Variants in PCDHGB4 observed in about 807,000 individuals in gnomAD.
PCDHGB4 encodes protocadherin gamma-B4.
PCDHGB4 carries 38 observed loss-of-function variants against 60.5 expected under a neutral mutation model. The ratio of observed to expected loss-of-function variants is 0.63; its 90% CI spans 0.48 to 0.82. The LOEUF is 0.82. PCDHGB4 is among the 40% of genes least tolerant of loss of function. PCDHGB4 has a pLI of 0.00. For missense variants in PCDHGB4, 1,109 were observed against 1,209.6 expected (o/e 0.92, Z 1.23); for synonymous variants, 456 against 509.7 (o/e 0.89, Z 1.42).
intron 1 of PCDHGB4, chr5:141,414,197 T>C: frequency 3.1e-6 from 5 of 1,611,210 alleles, no homozygotes; most frequent in Non-Finnish European, 4.2e-6. Flanking sequence ...TTGATTACAG[T>C]AGAAGATGTA....
At chr5:141,413,796 G>A in intron 1 of PCDHGB4, 2 of 1,613,190 alleles carry the variant, frequency 1.2e-6, no homozygotes, top group Non-Finnish European at 1.7e-6. Flanking sequence ...TAGATCGCGA[G>A]GAAGAGGCCA....
At position 141,431,276 on chromosome 5, in the gene PCDHGB4, A is replaced by T; in HGVS notation, c.2397+40995A>T. 6.2e-7 allele frequency: 1 copy of T among 1,614,176 alleles called. No individual in the cohort carries two copies. Among genetic ancestry groups the T allele is most frequent in the South Asian group, 1.1e-5 (1 of 91,084 alleles). ...GAACTCTCTGCAGAGCTACGAGCTC[A>T]GCCCGAACACTCACTTCTCCCTCAT... is the stretch of plus-strand genomic sequence containing the variant. On this transcript the variant is annotated intron_variant, in intron 1 of 3. Transcript: ENST00000519479. The surrounding 1 kb of genome is among the most constrained non-coding windows in gnomAD (Gnocchi z 4.8).
chr5:141,418,013 A>C (rs769578436), intron 1 of PCDHGB4: 2 of 1,613,906 alleles, frequency 1.2e-6, no homozygotes, highest in African/African-American at 2.7e-5. Flanking sequence ...GAACCTCGCT[A>C]AGGATCTAGG....
At chr5:141,415,122 C>G (rs552568826) in intron 1 of PCDHGB4, 1 of 1,613,668 alleles carries the variant, frequency 6.2e-7, no homozygotes, top group Non-Finnish European at 8.5e-7. Context: ...TCGTAGTGGC[C>G]GTCCAGGACC....
chr5:141,422,398 C>T lies in PCDHGB4; in HGVS notation c.2397+32117C>T, dbSNP rs2096646163. On this transcript the variant is annotated intron_variant, in intron 1 of 3. Transcript: ENST00000519479. Reference sequence around the variant, plus strand: ...AGTCTCCTGTTTTATTCCTAACCACCTGCCTTTTAAATTAGAAAAGACTTA... The same window carrying T: ...AGTCTCCTGTTTTATTCCTAACCACTTGCCTTTTAAATTAGAAAAGACTTA... The T allele has an allele frequency of 1.9e-6, 3 of 1,597,634 alleles. No individual in the cohort carries two copies. In the Admixed American group the frequency reaches 5.3e-5, roughly 28 times the overall value.
At chr5:141,394,371 T>C (rs753598001) in intron 1 of PCDHGB4, 5 of 1,614,056 alleles carry the variant, frequency 3.1e-6, no homozygotes, top group Non-Finnish European at 4.2e-6. Context: ...GCTGCAATCT[T>C]TCGACTATGA....
chr5:141,441,295 A>C (rs952946372), intron 1 of PCDHGB4: 3 of 152,240 alleles, frequency 2.0e-5, no homozygotes, highest in Non-Finnish European at 4.4e-5. Flanking sequence ...CACATGTCTG[A>C]TATAAGAAAA....
chr5:141,415,210 C>G lies in PCDHGB4; in HGVS notation c.2397+24929C>G, dbSNP rs2095843973. The G allele has an allele frequency of 2.5e-6, 4 of 1,614,068 alleles. No individual in the cohort carries two copies. The highest frequency in any genetic ancestry group is 1.6e-4 in the Middle Eastern group (1 of 6,062). ...CAGCATCCCCCAAGTCCTGGCGGAC[C>G]TCGGCAGCTTCGAGTCTCCAGCTAA... is the stretch of plus-strand genomic sequence containing the variant. On this transcript the variant is annotated intron_variant, in intron 1 of 3. Coordinates refer to ENST00000519479, the MANE Select transcript of PCDHGB4 (RefSeq NM_003736.4).
intron 1 of PCDHGB4, chr5:141,410,288 T>G: frequency 6.2e-7 from 1 of 1,614,044 alleles, no homozygotes; most frequent in Non-Finnish European, 8.5e-7. Context: ...GGTGGTGGCC[T>G]TGGCCTTAAT....
In PCDHGB4 at chr5:141,415,292, G is replaced by T. The variant is rs778092218; in HGVS notation, c.2397+25011G>T. The T allele has an allele frequency of 1.7e-5, 28 of 1,614,082 alleles. No individual in the cohort carries two copies. Among genetic ancestry groups the T allele is most frequent in the Non-Finnish European group, 2.3e-5 (27 of 1,180,046 alleles). Reference sequence around the variant, plus strand: ...GTGGTAGCGGTGGCCGCGGTCTCCTGCGTCTTCCTGGCCTTCGTCATCGTG... The same window carrying T: ...GTGGTAGCGGTGGCCGCGGTCTCCTTCGTCTTCCTGGCCTTCGTCATCGTG... On this transcript the variant is annotated intron_variant, in intron 1 of 3. Coordinates refer to ENST00000519479, the MANE Select transcript of PCDHGB4 (RefSeq NM_003736.4).
At chr5:141,502,697 T>C (rs893610041) in intron 2 of PCDHGB4, among the ~76,000 whole-genome samples, 13 of 152,208 alleles carry the variant, frequency 8.5e-5, no homozygotes, top group African/African-American at 3.1e-4. Context: ...CTTGCCTGTA[T>C]CTGTTTTTAC....
intron 1 of PCDHGB4, among the ~76,000 whole-genome samples, chr5:141,480,272 G>A (rs903112862): frequency 7.2e-6 from 1 of 138,796 alleles, no homozygotes; most frequent in African/African-American, 3.0e-5. Flanking sequence ...TTCATTAGCT[G>A]GGTGTGTTGG....
At position 141,432,640 on chromosome 5, in the gene PCDHGB4, C is replaced by T. The variant is rs2097523683; in HGVS notation, c.2397+42359C>T. On this transcript the variant is annotated intron_variant, in intron 1 of 3. Transcript: ENST00000519479. This position sits in a 1 kb window ranked among gnomAD's most constrained non-coding sequence, Gnocchi z 6.0. ...TGGGTCTGCACACGGGCGAGGTGCG[C>T]ACGGCGCGAGCCCTGCTGGACAGAG... 1.9e-6 allele frequency: 3 copies of T among 1,613,814 alleles called. No individual in the cohort carries two copies. The highest frequency in any genetic ancestry group is 2.5e-6 in the Non-Finnish European group (3 of 1,179,932).
Position 141,421,230 on chromosome 5 carries a change from G to A in PCDHGB4, c.2397+30949G>A, listed in dbSNP as rs530853994. 1.9e-6 allele frequency: 3 copies of A among 1,590,132 alleles called. No individual in the cohort carries two copies. The East Asian group carries it at 6.7e-5, about 36-fold the overall frequency. The stretch of plus-strand genomic sequence containing the variant: ...GGAATATCGGCTTAGAGCCTGCCAT[G>A]GCGAATCGGCTACAGCGCGGGGACC... On this transcript the variant is annotated intron_variant, in intron 1 of 3. Coordinates refer to ENST00000519479, the MANE Select transcript of PCDHGB4 (RefSeq NM_003736.4).
intron 1 of PCDHGB4, among the ~76,000 whole-genome samples, chr5:141,448,393 A>G (rs190525499): frequency 6.6e-6 from 1 of 152,306 alleles, no homozygotes; most frequent in Admixed American, 6.5e-5. Flanking sequence ...ATACATTTAC[A>G]TGGTTTTAAA....
intron 2 of PCDHGB4, among the ~76,000 whole-genome samples, chr5:141,497,893 C>T (rs1194262199): frequency 6.6e-6 from 1 of 152,132 alleles, no homozygotes; most frequent in Non-Finnish European, 1.5e-5. Flanking sequence ...GGATCTAGTC[C>T]AGTAACTTCA....
In PCDHGB4 at chr5:141,387,827, A is replaced by G. The variant is rs2091110263; in HGVS notation, c.-58A>G. 1.3e-6 allele frequency: 2 copies of G among 1,585,958 alleles called. No homozygotes were observed. The highest frequency in any genetic ancestry group is 8.6e-7 in the Non-Finnish European group (1 of 1,166,430). On this transcript the variant is annotated 5_prime_UTR_variant, in exon 1 of 4. Coordinates refer to ENST00000519479, the MANE Select transcript of PCDHGB4 (RefSeq NM_003736.4). ...GGAGATCCAAAAATCTGCAATACAG[A>G]GGTTATTTGTAACCCGGCGTCTCCA...
Position 141,454,782 on chromosome 5 carries a change from C to A in PCDHGB4, c.2398-40025C>A, listed in dbSNP as rs116242508. On this transcript the variant is annotated intron_variant, in intron 1 of 3. Transcript: ENST00000519479. ...GACATGTTTTTTACAAGGAAATAAT[C>A]CTCCATGGTTCTAATTTTTTTTTTT... is the stretch of plus-strand genomic sequence containing the variant. 8.4e-3 allele frequency among the ~76,000 whole-genome samples: 1,205 copies of A among 143,216 alleles called. 20 individuals are homozygous for A. Among genetic ancestry groups the A allele is most frequent in the African/African-American group, 0.03 (1,150 of 37,952 alleles). The allele number at this position is 143,216 out of a possible 152,430, so 94.0% of individuals were successfully genotyped here. A position where few individuals can be genotyped will look rare whatever the true frequency, so the allele number is the denominator to read the frequency against.
intron 1 of PCDHGB4, among the ~76,000 whole-genome samples, chr5:141,473,871 T>A (rs2099330260): frequency 1.3e-5 from 2 of 152,190 alleles, no homozygotes; most frequent in Admixed American, 6.5e-5. Context: ...TTGTGGAGAA[T>A]GCATACACAA....
Sources: gnomAD v4.1 joint callset for allele counts (sites outside exome capture counted in the v4.1 genomes callset) on GRCh38, gnomAD v4.1.1 for gene constraint, Gnocchi (gnomAD v3.1) non-coding constraint, MANE v1.5 for transcripts, NCBI Gene and HGNC (gene_info 2026-07-23, HGNC 2026-07-21) for gene names.